Variants in ARHGAP42 observed in about 807,000 individuals in gnomAD.
ARHGAP42 encodes Rho GTPase activating protein 42, also known as rho GTPase-activating protein 42.
Under a neutral mutation model 125.0 loss-of-function variants are expected in ARHGAP42, and 63 were observed. That is an observed-to-expected ratio of 0.50 (90% CI 0.41 to 0.62). The LOEUF is 0.62. ARHGAP42 is among the 20% of genes least tolerant of loss of function. ARHGAP42 has a pLI of 0.00. For synonymous variants in ARHGAP42, 339 were observed against 351.0 expected, an observed-to-expected ratio of 0.97 and a Z score of 0.38; for missense variants, 766 against 1,024.2, an observed-to-expected ratio of 0.75 and a Z score of 3.44.
chr11:100,978,466 A>T (rs1422761244), intron 21 of ARHGAP42, among the ~76,000 whole-genome samples: 2 of 152,198 alleles, frequency 1.3e-5, no homozygotes, highest in African/African-American at 4.8e-5. Context: ...ATTTGAAACA[A>T]GATGTAAATC....
intron 19 of ARHGAP42, 43 bp downstream of exon 19, chr11:100,974,646 G>T (rs777861908): frequency 1.8e-5 from 27 of 1,513,410 alleles, no homozygotes; most frequent in Non-Finnish European, 2.0e-5. Flanking sequence ...TTCATTCTTT[G>T]GTTCAGATGT....
In ARHGAP42 at chr11:100,770,412, C is replaced by A. The variant is rs1414767708; in HGVS notation, c.224C>A (p.Ala75Asp). ...TTCCAGTTTGAATGTATTGGTGATG[C>A]TGAAACAGATGATGAAATTAGTATT... ...QDFQFECIGDAETDDEISIAQ... is the reference protein window; with the variant it reads ...QDFQFECIGDDETDDEISIAQ... Residue 75 changes from alanine to aspartate, a missense_variant, in exon 2 of 24, where the codon GCT becomes GAT. Ala to Asp is a moderately radical substitution (Grantham distance 126). This residue lies in a region of ARHGAP42 where 455 missense variants were observed against 636.5 expected (regional missense o/e 0.71). Transcript: ENST00000298815. 6.5e-7 allele frequency: 1 copy of A among 1,550,380 alleles called. No individual in the cohort carries two copies. The highest frequency in any genetic ancestry group is 2.4e-5 in the East Asian group (1 of 40,844).
At chr11:100,976,548 C>G (rs955844033) in intron 20 of ARHGAP42, 111 bp downstream of exon 20, 4 of 1,381,328 alleles carry the variant, frequency 2.9e-6, no homozygotes, top group Non-Finnish European at 3.8e-6. Context: ...ACTAATGATG[C>G]TTATCTACTT....
At chr11:100,799,903 G>A (rs1863811733) in intron 3 of ARHGAP42, among the ~76,000 whole-genome samples, 2 of 152,180 alleles carry the variant, frequency 1.3e-5, no homozygotes, top group Admixed American at 1.3e-4. Flanking sequence ...TGGTAAAATG[G>A]TTGATTGGAC....
chr11:100,804,245 C>G (rs1260285265), intron 3 of ARHGAP42, among the ~76,000 whole-genome samples: 1 of 152,096 alleles, frequency 6.6e-6, no homozygotes, highest in Non-Finnish European at 1.5e-5. Context: ...TCACCTCGGC[C>G]TCTCAAAGTA....
chr11:100,819,770 G>A (rs1864360710), intron 3 of ARHGAP42, among the ~76,000 whole-genome samples: 1 of 152,112 alleles, frequency 6.6e-6, no homozygotes, highest in Non-Finnish European at 1.5e-5. Flanking sequence ...CAAATTATTA[G>A]GGAGCTTTCC....
intron 1 of ARHGAP42, among the ~76,000 whole-genome samples, chr11:100,717,336 TA>T (rs1396184590): frequency 1.3e-5 from 2 of 151,810 alleles, no homozygotes; most frequent in African/African-American, 4.8e-5. Context: ...AAAAATTGAG[TA>T]AAAAAGATAC....
chr11:100,992,330 G>GTA lies in ARHGAP42; in HGVS notation c.*3529_*3530insTA, dbSNP rs1858853848. On this transcript the variant is annotated 3_prime_UTR_variant, in exon 24 of 24. Coordinates refer to ENST00000298815, the MANE Select transcript of ARHGAP42 (RefSeq NM_152432.4). Reference sequence around the variant, plus strand: ...TAGCATGACCTCACATCACTGCGTAGGACCCGGAAATCACATCTCCTGGTC... The same window carrying GTA: ...TAGCATGACCTCACATCACTGCGTAGTAGACCCGGAAATCACATCTCCTGGTC... 4 of 1,609,418 alleles carry GTA rather than the reference G, an allele frequency of 2.5e-6. No homozygotes were observed. The highest frequency in any genetic ancestry group is 3.4e-6 in the Non-Finnish European group (4 of 1,178,072).
At chr11:100,911,763 C>T (rs1308699426) in intron 4 of ARHGAP42, among the ~76,000 whole-genome samples, 2 of 152,118 alleles carry the variant, frequency 1.3e-5, no homozygotes, top group African/African-American at 4.8e-5. Flanking sequence ...TCCTTTGGGT[C>T]AGCTATTTCA....
At chr11:100,792,241 C>T (rs999088762) in intron 2 of ARHGAP42, among the ~76,000 whole-genome samples, 4 of 152,042 alleles carry the variant, frequency 2.6e-5, no homozygotes, top group Admixed American at 6.6e-5. Context: ...ATTTATTTAG[C>T]CCTTTGGGAA....
chr11:100,962,800 C>T (rs1857988789), intron 16 of ARHGAP42, among the ~76,000 whole-genome samples: 1 of 152,046 alleles, frequency 6.6e-6, no homozygotes, highest in Non-Finnish European at 1.5e-5. Context: ...CACTTGAACC[C>T]AGGAGGCGGA....
chr11:100,744,127 C>T (rs1312920036), intron 1 of ARHGAP42, among the ~76,000 whole-genome samples: 1 of 152,058 alleles, frequency 6.6e-6, no homozygotes, highest in East Asian at 1.9e-4. Flanking sequence ...CCTGCCTCCA[C>T]GCCCGGCTAA....
chr11:100,925,599 G>A (rs948325699), intron 6 of ARHGAP42, among the ~76,000 whole-genome samples: 4 of 151,316 alleles, frequency 2.6e-5, no homozygotes, highest in Admixed American at 6.6e-5. Context: ...TTAGCCAGGC[G>A]TGGTGGTGGG....
chr11:100,763,578 C>T (rs905809947), intron 1 of ARHGAP42, among the ~76,000 whole-genome samples: 1 of 152,084 alleles, frequency 6.6e-6, no homozygotes, highest in South Asian at 2.1e-4. Context: ...ACCTCCGCCC[C>T]CCGGGTTCAA....
intron 3 of ARHGAP42, among the ~76,000 whole-genome samples, chr11:100,824,269 C>A (rs1864462857): frequency 1.3e-5 from 2 of 152,112 alleles, no homozygotes; most frequent in African/African-American, 4.8e-5. Flanking sequence ...CACATGCTTA[C>A]ATAGATTGTG....
chr11:100,797,612 A>G (rs1863749689), intron 3 of ARHGAP42, among the ~76,000 whole-genome samples: 1 of 152,146 alleles, frequency 6.6e-6, no homozygotes, highest in African/African-American at 2.4e-5. Flanking sequence ...GGAAAAAAAA[A>G]AAAAGATAGC....
At chr11:100,868,007 T>C (rs1865611548) in intron 4 of ARHGAP42, among the ~76,000 whole-genome samples, 1 of 152,172 alleles carries the variant, frequency 6.6e-6, no homozygotes, top group Non-Finnish European at 1.5e-5. Flanking sequence ...CTGTTTTATA[T>C]AGGTGTGAGA....
At chr11:100,750,212 G>A (rs189955730) in intron 1 of ARHGAP42, among the ~76,000 whole-genome samples, 36 of 152,338 alleles carry the variant, frequency 2.4e-4, no homozygotes, top group Middle Eastern at 3.4e-3. Context: ...GCAAGGCAAC[G>A]TACTTCTATA....
chr11:100,986,061 C>T (rs1565308176), intron 22 of ARHGAP42: 2 of 456,536 alleles, frequency 4.4e-6, no homozygotes, highest in Admixed American at 2.3e-5. Flanking sequence ...CTTTTTCTCA[C>T]TCATTCATTT....
Sources: allele counts gnomAD v4.1 joint callset (sites outside exome capture counted in the v4.1 genomes callset), GRCh38; gene constraint gnomAD v4.1.1; regional missense constraint gnomAD v4.1.1; transcripts MANE v1.5; gene names NCBI Gene and HGNC (gene_info 2026-07-23, HGNC 2026-07-21).